Variants in SULF2 observed in about 807,000 individuals in gnomAD.
SULF2 encodes the protein extracellular sulfatase Sulf-2.
A neutral mutation model predicts 107.7 loss-of-function variants in SULF2; 52 were observed. That is an observed-to-expected ratio of 0.48 (90% CI 0.39 to 0.61). The LOEUF is 0.61. Among genes scored for constraint, SULF2 ranks in the 20% least tolerant of loss-of-function variants. The probability of loss-of-function intolerance (pLI) is 0.00; values close to 1 mark genes in which losing one functional copy is unlikely to be tolerated. For synonymous variants in SULF2, 460 were observed against 464.3 expected, an observed-to-expected ratio of 0.99 and a Z score of 0.12; for missense variants, 993 against 1,177.3, an observed-to-expected ratio of 0.84 and a Z score of 2.29.
At chr20:47,700,851 G>A (rs2088542302) in intron 4 of SULF2, among the ~76,000 whole-genome samples, 1 of 151,994 alleles carries the variant, frequency 6.6e-6, no homozygotes, top group Non-Finnish European at 1.5e-5. Context: ...TCACCATGTT[G>A]GCCAGGCTGG....
At chr20:47,687,768 C>T (rs925024035) in intron 5 of SULF2, among the ~76,000 whole-genome samples, 4 of 151,136 alleles carry the variant, frequency 2.6e-5, no homozygotes, top group South Asian at 4.2e-4. Flanking sequence ...AGTGTAGTGG[C>T]GCAATCATAG....
In SULF2 at chr20:47,745,395, AAAAAAAAAAAAAAAAATATATAT is replaced by A. The variant is rs1205016645; in HGVS notation, c.176-8476_176-8454del. 6.9e-3 allele frequency among the ~76,000 whole-genome samples: 153 copies of A among 22,258 alleles called. 3 individuals are homozygous for A. Among genetic ancestry groups the A allele is most frequent in the African/African-American group, 0.034 (99 of 2,946 alleles). 14.6% of individuals were successfully genotyped at this position (22,258 alleles called of 152,430 possible). On this transcript the variant is annotated intron_variant, in intron 2 of 20. Transcript: ENST00000688720. ...TGAGTTTTGAGGGAAAAAAAAAAAA[AAAAAAAAAAAAAAAAATATATAT>A]ATATATATATATATATATATATATA...
At chr20:47,704,903 C>T (rs2088681649) in intron 3 of SULF2, among the ~76,000 whole-genome samples, 2 of 152,108 alleles carry the variant, frequency 1.3e-5, no homozygotes, top group Admixed American at 1.3e-4. Context: ...TCTGGTGCCC[C>T]TAGAGGAGAG....
intron 18 of SULF2, among the ~76,000 whole-genome samples, chr20:47,660,329 C>T (rs1278499121): frequency 6.6e-6 from 1 of 152,202 alleles, no homozygotes; most frequent in Non-Finnish European, 1.5e-5. Context: ...TAGGAAGCTA[C>T]TAGTGAAAAT....
At chr20:47,672,439 TA>T (rs1568794069) in intron 10 of SULF2, 46 bp from the exon 11 acceptor site, 5 of 1,487,794 alleles carry the variant, frequency 3.4e-6, no homozygotes, top group Non-Finnish European at 4.5e-6. Context: ...TCTGCTCCCC[TA>T]AACCCGCCTC....
intron 1 of SULF2, among the ~76,000 whole-genome samples, chr20:47,772,860 C>T (rs1051722462): frequency 1.3e-5 from 2 of 152,096 alleles, no homozygotes; most frequent in South Asian, 4.1e-4. Context: ...CTTGGCAATG[C>T]AAGAAGTCTG....
Position 47,663,502 on chromosome 20 carries a change from C to G in SULF2, c.2178G>C (p.Thr726=). 6.2e-7 allele frequency: 1 copy of G among 1,612,064 alleles called. No individual in the cohort carries two copies. Among genetic ancestry groups the G allele is most frequent in the Non-Finnish European group, 8.5e-7 (1 of 1,180,022 alleles). ...NNDTCSMPGL[T]CFTHDNQHWQ... ...AGTGCTGGTTGTCGTGGGTGAAGCA[C>G]GTGAGGCCTGGCATGCTGCACGTGT... Residue 726 remains threonine, a synonymous_variant, in exon 16 of 21, where the codon ACG becomes ACC. Coordinates refer to ENST00000688720, the MANE Select transcript of SULF2 (RefSeq NM_001387048.1).
intron 1 of SULF2, among the ~76,000 whole-genome samples, chr20:47,758,248 G>A (rs1458570477): frequency 6.9e-6 from 1 of 145,762 alleles, no homozygotes; most frequent in African/African-American, 2.5e-5. Flanking sequence ...GGCTCACTGC[G>A]ACCTCTGCCT....
intron 1 of SULF2, among the ~76,000 whole-genome samples, chr20:47,767,530 C>T (rs1289499160): frequency 6.6e-6 from 1 of 152,192 alleles, no homozygotes; most frequent in Non-Finnish European, 1.5e-5. Context: ...CCTGTTATCC[C>T]AGCACTTTGG....
chr20:47,660,086 A>G (rs2146374326), intron 18 of SULF2, among the ~76,000 whole-genome samples: 1 of 152,294 alleles, frequency 6.6e-6, no homozygotes, highest in African/African-American at 2.4e-5. Context: ...TGCAGGAGGG[A>G]GTTCCCCTTT....
In SULF2 at chr20:47,756,908, C is replaced by T. The variant is rs146010912; in HGVS notation, c.175+281G>A. 3.2e-3 allele frequency among the ~76,000 whole-genome samples: 480 copies of T among 152,238 alleles called. 3 individuals carry two copies. The highest frequency in any genetic ancestry group is 0.01 in the African/African-American group (428 of 41,544). On this transcript the variant is annotated intron_variant, in intron 2 of 20. Coordinates refer to ENST00000688720, the MANE Select transcript of SULF2 (RefSeq NM_001387048.1). Reference sequence around the variant, plus strand: ...TGATCCACCTGCCTCGGCCTCCCAACGTGCTGGGATTACAAGCATGAGCCA... The same window carrying T: ...TGATCCACCTGCCTCGGCCTCCCAATGTGCTGGGATTACAAGCATGAGCCA...
At chr20:47,687,850 G>C (rs2088064019) in intron 5 of SULF2, among the ~76,000 whole-genome samples, 1 of 152,006 alleles carries the variant, frequency 6.6e-6, no homozygotes, top group African/African-American at 2.4e-5. Flanking sequence ...TGGGACTACA[G>C]GTGTGCACCA....
intron 2 of SULF2, among the ~76,000 whole-genome samples, chr20:47,753,604 T>C (rs568631712): frequency 8.6e-4 from 131 of 152,376 alleles, no homozygotes; most frequent in African/African-American, 3.0e-3. Context: ...GTTTTTTCCT[T>C]TACAGTCAGA....
At chr20:47,703,580 A>G (rs1239923052) in intron 3 of SULF2, among the ~76,000 whole-genome samples, 1 of 152,200 alleles carries the variant, frequency 6.6e-6, no homozygotes, top group African/African-American at 2.4e-5. Flanking sequence ...CAACCGGTCC[A>G]ACCACGGTGG....
At chr20:47,676,751 C>T in intron 9 of SULF2, 128 bp from the exon 10 acceptor site, 1 of 1,148,028 alleles carries the variant, frequency 8.7e-7, no homozygotes, top group Non-Finnish European at 1.2e-6. Flanking sequence ...GGGCGCAGGG[C>T]CACCTGCCCG....
At chr20:47,727,068 C>T (rs201874171) in intron 3 of SULF2, among the ~76,000 whole-genome samples, 8 of 131,900 alleles carry the variant, frequency 6.1e-5, no homozygotes, top group Admixed American at 7.6e-5. Flanking sequence ...TGGGGGGGGG[C>T]GGGGTTTAAT....
intron 3 of SULF2, among the ~76,000 whole-genome samples, chr20:47,726,935 G>A (rs2089459907): frequency 6.6e-6 from 1 of 152,186 alleles, no homozygotes; most frequent in South Asian, 2.1e-4. Flanking sequence ...GGGAAGGGAA[G>A]GCTACGCATG....
intron 4 of SULF2, among the ~76,000 whole-genome samples, chr20:47,690,737 G>T (rs2088169550): frequency 6.6e-6 from 1 of 152,006 alleles, no homozygotes; most frequent in Non-Finnish European, 1.5e-5. Context: ...AGGCGTGGTG[G>T]TAAACACCTG....
At chr20:47,704,553 G>A (rs1243327491) in intron 3 of SULF2, among the ~76,000 whole-genome samples, 4 of 152,286 alleles carry the variant, frequency 2.6e-5, no homozygotes, top group African/African-American at 7.2e-5. Flanking sequence ...GATGACAGGC[G>A]AGAGCCACCG....
Sources: gnomAD v4.1 joint callset for allele counts (sites outside exome capture counted in the v4.1 genomes callset) on GRCh38, gnomAD v4.1.1 for gene constraint, MANE v1.5 for transcripts, NCBI Gene and HGNC (gene_info 2026-07-23, HGNC 2026-07-21) for gene names.